Variants in CHD6 observed in about 807,000 individuals in gnomAD.
The protein encoded by CHD6 is ATP-dependent chromatin remodeler CHD6.
CHD6 carries 50 observed loss-of-function variants against 276.9 expected under a neutral mutation model. The ratio of observed to expected loss-of-function variants is 0.18; its 90% CI spans 0.14 to 0.23. The LOEUF is 0.23. Among genes scored for constraint, CHD6 ranks in the 10% least tolerant of loss-of-function variants. The pLI, the probability that CHD6 is intolerant of heterozygous loss-of-function variation, is 1.00. For synonymous variants in CHD6, 1,173 were observed against 1,229.3 expected, an observed-to-expected ratio of 0.95 and a Z score of 0.96; for missense variants, 2,564 against 3,365.8, an observed-to-expected ratio of 0.76 and a Z score of 5.89.
At chr20:41,547,752 A>T in intron 2 of CHD6, 1 of 546,872 alleles carries the variant, frequency 1.8e-6, no homozygotes, top group South Asian at 1.4e-5. Flanking sequence ...TGAGATTGTC[A>T]ACACTGCTCG....
At chr20:41,527,489 A>G (rs866733992) in intron 3 of CHD6, among the ~76,000 whole-genome samples, 4 of 152,262 alleles carry the variant, frequency 2.6e-5, no homozygotes, top group African/African-American at 7.2e-5. Context: ...AGGGCAACCT[A>G]AAGAGCTGGC....
chr20:41,463,749 T>A (rs888869283), intron 17 of CHD6, among the ~76,000 whole-genome samples: 82 of 152,332 alleles, frequency 5.4e-4, no homozygotes, highest in African/African-American at 1.9e-3. Context: ...CTGGATTGAA[T>A]CCTGGACTGG....
At chr20:41,502,615 T>C (rs1568651008) in intron 5 of CHD6, among the ~76,000 whole-genome samples, 1 of 152,264 alleles carries the variant, frequency 6.6e-6, no homozygotes, top group Non-Finnish European at 1.5e-5. Flanking sequence ...TTATGTTAGA[T>C]AGGTCTTTAG....
chr20:41,573,514 C>T (rs1443619418), intron 1 of CHD6, among the ~76,000 whole-genome samples: 2 of 152,076 alleles, frequency 1.3e-5, no homozygotes, highest in Admixed American at 6.5e-5. Flanking sequence ...ACCATGTAAA[C>T]ATCCAGACCA....
intron 1 of CHD6, among the ~76,000 whole-genome samples, chr20:41,555,232 G>A (rs1268432294): frequency 7.4e-6 from 1 of 135,256 alleles, no homozygotes; most frequent in African/African-American, 2.9e-5. Context: ...GCCGGGTGGG[G>A]GGCTGACCCC....
At chr20:41,461,114 C>T (rs140117013) in intron 17 of CHD6, among the ~76,000 whole-genome samples, 1 of 152,328 alleles carries the variant, frequency 6.6e-6, no homozygotes, top group Non-Finnish European at 1.5e-5. Flanking sequence ...CAATTTCTCC[C>T]ATTTGGAATG....
chr20:41,496,428 C>CT (rs1211442852), intron 8 of CHD6, among the ~76,000 whole-genome samples: 1 of 152,170 alleles, frequency 6.6e-6, no homozygotes, highest in African/African-American at 2.4e-5. Flanking sequence ...CATCAGGAGT[C>CT]TATCTCTGCG....
intron 1 of CHD6, among the ~76,000 whole-genome samples, chr20:41,606,218 A>G (rs1039952673): frequency 1.4e-4 from 22 of 152,114 alleles, no homozygotes; most frequent in Admixed American, 3.9e-4. Context: ...TCTACTAAAA[A>G]TACAAAAAAC....
intron 2 of CHD6, among the ~76,000 whole-genome samples, chr20:41,535,893 G>A (rs1360485579): frequency 6.6e-6 from 1 of 152,124 alleles, no homozygotes; most frequent in Non-Finnish European, 1.5e-5. Context: ...AGTTAAATGT[G>A]ATGGCATATG....
intron 1 of CHD6, among the ~76,000 whole-genome samples, chr20:41,617,849 G>A (rs1402477174): frequency 8.6e-5 from 13 of 151,234 alleles, no homozygotes; most frequent in Non-Finnish European, 1.5e-5. Context: ...CGCAGGACGC[G>A]AATAGAGCAA....
intron 1 of CHD6, chr20:41,564,111 G>A: frequency 1.3e-6 from 1 of 776,972 alleles, no homozygotes; most frequent in South Asian, 1.4e-5. Flanking sequence ...TTCATTTACA[G>A]AACTGGTACA....
chr20:41,432,513 A>C (rs2047576907), intron 27 of CHD6, among the ~76,000 whole-genome samples: 1 of 152,190 alleles, frequency 6.6e-6, no homozygotes. Context: ...CAAAGTAATG[A>C]GAAACATCCC....
chr20:41,580,483 C>T (rs1239282200), intron 1 of CHD6, among the ~76,000 whole-genome samples: 1 of 151,544 alleles, frequency 6.6e-6, no homozygotes, highest in Non-Finnish European at 1.5e-5. Context: ...AAGGACGCCC[C>T]ATCTCTAAAA....
chr20:41,523,261 A>C (rs1601079513), intron 3 of CHD6, among the ~76,000 whole-genome samples: 2 of 152,274 alleles, frequency 1.3e-5, no homozygotes, highest in South Asian at 4.2e-4. Flanking sequence ...ACAAAGGCCT[A>C]ATACTCCCAC....
chr20:41,445,402 G>C (rs114023014), intron 25 of CHD6, among the ~76,000 whole-genome samples: 28 of 152,314 alleles, frequency 1.8e-4, no homozygotes, highest in African/African-American at 6.3e-4. Flanking sequence ...GCATGGACAG[G>C]CGAGGGAGGA....
intron 25 of CHD6, 138 bp from the exon 26 acceptor site, chr20:41,440,267 T>A: frequency 1.3e-6 from 1 of 777,872 alleles, no homozygotes; most frequent in Non-Finnish European, 2.0e-6. Flanking sequence ...ATTAATGAGA[T>A]CCTATAAGAC....
intron 16 of CHD6, among the ~76,000 whole-genome samples, chr20:41,478,188 T>C (rs2043208964): frequency 6.6e-6 from 1 of 152,106 alleles, no homozygotes. Flanking sequence ...CAAGCCTTGC[T>C]CACATACTCA....
chr20:41,589,889 A>C (rs544376478), intron 1 of CHD6, among the ~76,000 whole-genome samples: 2 of 152,340 alleles, frequency 1.3e-5, no homozygotes, highest in African/African-American at 2.4e-5. Context: ...GGAACCAAAA[A>C]AGAGTCCGCA....
Position 41,415,311 on chromosome 20 carries a change from T to C in CHD6, c.6814A>G (p.Ile2272Val). The change falls in exon 34 of 37, where the codon ATT (isoleucine) becomes GTT (valine). Residue 2272 changes from isoleucine (I) to valine (V), a missense_variant. This residue lies in a region of CHD6 where 1,024 missense variants were observed against 1,047.9 expected (regional missense o/e 0.98). Transcript: ENST00000373233. ...TCTCTTCTGAGGCTTCCATTGACAATCTGTCCAGTCACAGGATGGATCAGG... is the reference window on the plus strand; with the variant it reads ...TCTCTTCTGAGGCTTCCATTGACAACCTGTCCAGTCACAGGATGGATCAGG... ...AGLIHPVTGQ[I>V]VNGSLRRDDA... 6.2e-7 allele frequency: 1 copy of C among 1,614,126 alleles called. No individual in the cohort carries two copies. The highest frequency in any genetic ancestry group is 2.2e-5 in the East Asian group (1 of 44,860).
Sources: gnomAD v4.1 joint callset for allele counts (sites outside exome capture counted in the v4.1 genomes callset) on GRCh38, gnomAD v4.1.1 for gene constraint, gnomAD v4.1.1 regional missense constraint, MANE v1.5 for transcripts, NCBI Gene and HGNC (gene_info 2026-07-23, HGNC 2026-07-21) for gene names.